Variants in TBC1D19 observed in about 807,000 individuals in gnomAD.
TBC1D19 encodes the protein TBC1 domain family, member 19.
In TBC1D19, 60 loss-of-function variants were observed where a neutral mutation model predicts 89.0. The ratio of observed to expected loss-of-function variants is 0.67; its 90% confidence interval spans 0.55 to 0.84. The LOEUF (loss-of-function observed/expected upper bound fraction) is 0.84. Among genes scored for constraint, TBC1D19 ranks in the 40% least tolerant of loss-of-function variants. TBC1D19 has a pLI of 0.00. For synonymous variants in TBC1D19, 189 were observed against 199.7 expected (o/e 0.95, Z 0.45); for missense variants, 500 against 610.8 (o/e 0.82, Z 1.91).
chr4:26,701,481 A>G (rs1253613446), intron 13 of TBC1D19, among the ~76,000 whole-genome samples: 1 of 152,130 alleles, frequency 6.6e-6, no homozygotes, highest in Non-Finnish European at 1.5e-5. Context: ...TGTTAATTCC[A>G]ATGCCTAGTA....
intron 7 of TBC1D19, among the ~76,000 whole-genome samples, chr4:26,643,733 G>A (rs1277596312): frequency 5.3e-5 from 8 of 152,114 alleles, no homozygotes; most frequent in Admixed American, 5.2e-4. Flanking sequence ...AATAAAAAAT[G>A]CTAAAGGGAA....
the TBC1D19 span, among the ~76,000 whole-genome samples, chr4:26,800,236 A>G: frequency 6.6e-6 from 1 of 152,058 alleles, no homozygotes; most frequent in African/African-American, 2.4e-5. Context: ...ATTCCCACCT[A>G]TGAGTGAGAA....
chr4:26,834,558 G>A, the TBC1D19 span, among the ~76,000 whole-genome samples: 1 of 151,928 alleles, frequency 6.6e-6, no homozygotes, highest in African/African-American at 2.4e-5. Context: ...GGGCGGGGGT[G>A]GTGCACACAC....
At chr4:26,812,212 A>T in the TBC1D19 span, among the ~76,000 whole-genome samples, 25 of 152,080 alleles carry the variant, frequency 1.6e-4, no homozygotes, top group Non-Finnish European at 3.1e-4. This position sits in a 1 kb window ranked among gnomAD's most constrained non-coding sequence, Gnocchi z 4.2. Flanking sequence ...TCCTCTAGCC[A>T]CCTAGACTTG....
rs553338696 is a variant in TBC1D19 at position 26,750,823 on chromosome 4, T to C, written c.1435+2297T>C. ...ATAATTTCATGTAAATGTATACAAA[T>C]TAGTTTTGATTATTTCGTATACTTT... On this transcript the variant is annotated intron_variant, in intron 19 of 20. Transcript: ENST00000264866. Among the ~76,000 whole-genome samples, 202 of 152,286 alleles carry C rather than the reference T, an allele frequency of 1.3e-3. 8 individuals are homozygous for C. The South Asian group carries it at 0.04, about 30-fold the overall frequency.
chr4:26,703,404 G>A (rs1210289435), intron 13 of TBC1D19, among the ~76,000 whole-genome samples: 2 of 152,110 alleles, frequency 1.3e-5, no homozygotes, highest in African/African-American at 2.4e-5. Flanking sequence ...GTGTGTGTGT[G>A]TGCATGTGTG....
the TBC1D19 span, among the ~76,000 whole-genome samples, chr4:26,765,022 A>C: frequency 6.6e-6 from 1 of 152,180 alleles, no homozygotes; most frequent in East Asian, 1.9e-4. Context: ...ATGTTAGATG[A>C]ATCATGAGAG....
intron 7 of TBC1D19, among the ~76,000 whole-genome samples, chr4:26,649,319 A>G (rs1744172547): frequency 1.3e-5 from 2 of 152,018 alleles, no homozygotes; most frequent in African/African-American, 4.8e-5. Context: ...CCTCCACTAG[A>G]TTCTTTTTTT....
chr4:26,671,237 G>T (rs1348456285), intron 9 of TBC1D19, among the ~76,000 whole-genome samples: 2 of 151,646 alleles, frequency 1.3e-5, no homozygotes, highest in African/African-American at 4.8e-5. Flanking sequence ...AGCTATTGTG[G>T]TGGTTGTGTA....
At chr4:26,849,187 TACACACACACACAA>T in the TBC1D19 span, among the ~76,000 whole-genome samples, 2 of 104,532 alleles carry the variant, frequency 1.9e-5, no homozygotes, top group South Asian at 3.4e-4. Flanking sequence ...AAATAAATGA[TACACACACACACAA>T]ACACACACAC....
chr4:26,800,933 A>C, the TBC1D19 span, among the ~76,000 whole-genome samples: 2 of 152,178 alleles, frequency 1.3e-5, no homozygotes, highest in African/African-American at 2.4e-5. Flanking sequence ...GTAGAATGCA[A>C]AAAATTTCTC....
chr4:26,742,429 C>A, intron 17 of TBC1D19, 79 bp from the exon 18 acceptor site: 1 of 1,200,480 alleles, frequency 8.3e-7, no homozygotes, highest in Non-Finnish European at 1.2e-6. Context: ...TCTCATTTTC[C>A]ATTTGAATAA....
intron 16 of TBC1D19, among the ~76,000 whole-genome samples, 183 bp from the exon 17 acceptor site, chr4:26,739,681 G>A (rs1021402285): frequency 2.0e-5 from 3 of 151,686 alleles, no homozygotes; most frequent in Non-Finnish European, 4.4e-5. Flanking sequence ...ATATTTAATG[G>A]CTGTTTGAAC....
intron 13 of TBC1D19, among the ~76,000 whole-genome samples, chr4:26,690,738 C>T (rs1714201997): frequency 6.6e-6 from 1 of 152,188 alleles, no homozygotes; most frequent in Admixed American, 6.5e-5. Flanking sequence ...TATTACTGCT[C>T]ATTCACAATG....
the TBC1D19 span, among the ~76,000 whole-genome samples, chr4:26,815,994 A>C: frequency 6.6e-6 from 1 of 152,204 alleles, no homozygotes; most frequent in African/African-American, 2.4e-5. Context: ...CACCATTCAG[A>C]GGAGTTCTCT....
At chr4:26,626,039 T>C (rs75082398) in intron 4 of TBC1D19, among the ~76,000 whole-genome samples, 7 of 152,246 alleles carry the variant, frequency 4.6e-5, no homozygotes, top group Admixed American at 2.6e-4. Flanking sequence ...TCTACATAAA[T>C]TATTTGGAAT....
At chr4:26,764,052 A>G in the TBC1D19 span, among the ~76,000 whole-genome samples, 1 of 152,150 alleles carries the variant, frequency 6.6e-6, no homozygotes, top group African/African-American at 2.4e-5. Context: ...GTTGTTTTTC[A>G]TTTCTTATTT....
At chr4:26,698,622 G>C (rs1715024206) in intron 13 of TBC1D19, among the ~76,000 whole-genome samples, 2 of 152,116 alleles carry the variant, frequency 1.3e-5, no homozygotes, top group Admixed American at 6.6e-5. Flanking sequence ...ACACTACAAG[G>C]CTACAGTAAC....
At chr4:26,798,174 C>T in the TBC1D19 span, among the ~76,000 whole-genome samples, 5 of 152,066 alleles carry the variant, frequency 3.3e-5, no homozygotes, top group Non-Finnish European at 7.4e-5. Context: ...CCAGAATCTA[C>T]AAGGAACTCA....
Sources: gnomAD v4.1 joint callset for allele counts (sites outside exome capture counted in the v4.1 genomes callset) on GRCh38, gnomAD v4.1.1 for gene constraint, Gnocchi (gnomAD v3.1) non-coding constraint, MANE v1.5 for transcripts, NCBI Gene and HGNC (gene_info 2026-07-23, HGNC 2026-07-21) for gene names.